The following FNIP1 variants were observed in gnomAD, a reference collection of about 807,000 sequenced individuals.
The protein encoded by FNIP1 is folliculin-interacting protein 1.
Under a neutral mutation model 124.5 loss-of-function variants are expected in FNIP1, and 40 were observed. The ratio of observed to expected loss-of-function variants is 0.32; its 90% CI spans 0.25 to 0.42. FNIP1 has a LOEUF of 0.42. FNIP1 is among the 10% of genes least tolerant of loss of function. The probability of loss-of-function intolerance (pLI) is 1.00; values close to 1 mark genes in which losing one functional copy is unlikely to be tolerated. For synonymous variants in FNIP1, 472 were observed against 470.6 expected (o/e 1.00, Z -0.04); for missense variants, 1,176 against 1,403.7 (o/e 0.84, Z 2.59).
chr5:131,730,945 T>C lies in FNIP1; in HGVS notation c.313A>G (p.Thr105Ala), dbSNP rs1770063980. 3 of 1,612,036 alleles carry C rather than the reference T, an allele frequency of 1.9e-6. No homozygotes were observed. The highest frequency in any genetic ancestry group is 2.5e-6 in the Non-Finnish European group (3 of 1,178,910). Residue 105 changes from threonine (T) to alanine (A), a missense_variant, in exon 3 of 18, where the codon ACT becomes GCT. This residue lies in a region of FNIP1 where 1,109 missense variants were observed against 1,288.5 expected (regional missense o/e 0.86). Transcript: ENST00000510461. ...TGGTCTTTTATATCAGAAGATGAAG[T>C]CACAGAACTATCTAAAGAGGAAGAA... ...DSSSSLDSSV[T>A]SSSDIKDQCL...
At chr5:131,705,372 C>A (rs558005349) in intron 9 of FNIP1, among the ~76,000 whole-genome samples, 1 of 151,826 alleles carries the variant, frequency 6.6e-6, no homozygotes, top group African/African-American at 2.4e-5. Flanking sequence ...ATTTGAGAGG[C>A]TGAGGTGGAA....
chr5:131,772,303 A>G (rs898970198), intron 1 of FNIP1, among the ~76,000 whole-genome samples: 1 of 152,094 alleles, frequency 6.6e-6, no homozygotes, highest in Admixed American at 6.6e-5. Flanking sequence ...AATATTCTAT[A>G]TCTCAACTGT....
At chr5:131,795,892 A>G (rs1050119987) in intron 1 of FNIP1, 1 of 152,154 alleles carries the variant, frequency 6.6e-6, no homozygotes, top group African/African-American at 2.4e-5. Context: ...GGCATTTGAC[A>G]TTTAGCCTAG....
chr5:131,677,659 C>CA, intron 13 of FNIP1, 44 bp downstream of exon 13: 1 of 1,503,978 alleles, frequency 6.6e-7, no homozygotes, highest in African/African-American at 1.4e-5. Context: ...CAGATAGCTA[C>CA]AAAAAAGTCT....
At position 131,672,862 on chromosome 5, in the gene FNIP1, G is replaced by T. The variant is rs373818797; in HGVS notation, c.1582C>A (p.Arg528=). ...RLARTVVVGK[R]QDMVQRLLYF... ...AGTAGCCTCTGGACCATGTCTTGTCGTTTGCCAACTACCACAGTCCTTGCT... is the reference window on the plus strand; with the variant it reads ...AGTAGCCTCTGGACCATGTCTTGTCTTTTGCCAACTACCACAGTCCTTGCT... The change falls in exon 14 of 18, where the codon CGA becomes AGA. Residue 528 remains arginine (R), a synonymous_variant. Transcript: ENST00000510461. 2.5e-6 allele frequency: 4 copies of T among 1,604,994 alleles called. No homozygotes were observed. Among genetic ancestry groups the T allele is most frequent in the Non-Finnish European group, 3.4e-6 (4 of 1,176,184 alleles).
intron 3 of FNIP1, among the ~76,000 whole-genome samples, chr5:131,727,769 G>T (rs747085362): frequency 6.6e-6 from 1 of 152,172 alleles, no homozygotes; most frequent in Admixed American, 6.5e-5. Context: ...TTTCTTCTTA[G>T]TGTCAACAGT....
chr5:131,742,805 C>A (rs55955246), intron 2 of FNIP1, among the ~76,000 whole-genome samples: 5 of 151,976 alleles, frequency 3.3e-5, no homozygotes, highest in Non-Finnish European at 7.4e-5. Context: ...ATATAGAACC[C>A]AGGACAAACA....
intron 1 of FNIP1, among the ~76,000 whole-genome samples, chr5:131,794,153 G>A (rs935890171): frequency 7.5e-5 from 11 of 146,042 alleles, no homozygotes; most frequent in Non-Finnish European, 1.3e-4. Flanking sequence ...GATTACTAGA[G>A]CCCAGGAGGT....
In FNIP1 at chr5:131,678,997, T is replaced by G. The variant is rs769326201; in HGVS notation, c.1349+32A>C. 6.9e-6 allele frequency: 10 copies of G among 1,454,734 alleles called. No individual in the cohort carries two copies. The Admixed American group carries it at 1.6e-4, about 23-fold the overall frequency. 90.1% of individuals were successfully genotyped at this position (1,454,734 alleles called of 1,614,324 possible). ...TCTGTAATTGAGTTTGATTACAATC[T>G]AGATATCTAGTTATAATAAATAAAT... On this transcript the variant is annotated intron_variant, in intron 12 of 17. Coordinates refer to ENST00000510461, the MANE Select transcript of FNIP1 (RefSeq NM_133372.3).
intron 11 of FNIP1, among the ~76,000 whole-genome samples, chr5:131,679,407 T>C (rs1354520334): frequency 6.6e-6 from 1 of 152,188 alleles, no homozygotes; most frequent in Non-Finnish European, 1.5e-5. Context: ...CTGTGTGCCC[T>C]AGAGTAAATT....
intron 11 of FNIP1, among the ~76,000 whole-genome samples, chr5:131,691,219 TG>T (rs1223799677): frequency 2.6e-5 from 4 of 152,234 alleles, no homozygotes; most frequent in African/African-American, 9.6e-5. Context: ...CCCAAATACT[TG>T]GAGATTGAAA....
intron 1 of FNIP1, among the ~76,000 whole-genome samples, chr5:131,762,147 A>C (rs1771251980): frequency 6.6e-6 from 1 of 152,210 alleles, no homozygotes; most frequent in Non-Finnish European, 1.5e-5. Context: ...TCAAACTATG[A>C]AACTGCTAAA....
chr5:131,654,020 G>A (rs1210106478), intron 15 of FNIP1, among the ~76,000 whole-genome samples: 7 of 152,228 alleles, frequency 4.6e-5, no homozygotes, highest in African/African-American at 1.2e-4. Flanking sequence ...GATTACAGGC[G>A]TGAGCCACTG....
chr5:131,796,077 G>GT (rs1772579040), intron 1 of FNIP1: 1 of 152,168 alleles, frequency 6.6e-6, no homozygotes, highest in South Asian at 2.1e-4. Flanking sequence ...AACAAAGCCT[G>GT]TAACACTACA....
chr5:131,739,762 G>C (rs1770447095), intron 2 of FNIP1, among the ~76,000 whole-genome samples: 1 of 142,302 alleles, frequency 7.0e-6, no homozygotes, highest in Non-Finnish European at 1.5e-5. Flanking sequence ...GTAGTGAGCT[G>C]AGATTGCGCC....
chr5:131,678,855 A>G (rs371673927), intron 12 of FNIP1, among the ~76,000 whole-genome samples, 174 bp downstream of exon 12: 1 of 152,222 alleles, frequency 6.6e-6, no homozygotes, highest in Non-Finnish European at 1.5e-5. Flanking sequence ...CTTTTCATTC[A>G]TAAGGTTCTG....
rs1554094500 is a variant in FNIP1 at position 131,693,344 on chromosome 5, A to ATG, written c.1202+5572_1202+5573insCA. ...CATATATATATATACATATATATAT[A>ATG]TATATATATATATATATAGTTACAG... On this transcript the variant is annotated intron_variant, in intron 11 of 17. Transcript: ENST00000510461. Among the ~76,000 whole-genome samples the ATG allele has an allele frequency of 8.4e-5, 11 of 130,550 alleles. No individual in the cohort carries two copies. In the East Asian group the frequency reaches 2.2e-3, roughly 27 times the overall value. 85.6% of individuals were successfully genotyped at this position (130,550 alleles called of 152,430 possible).
intron 6 of FNIP1, among the ~76,000 whole-genome samples, chr5:131,714,973 G>A (rs1030067224): frequency 6.6e-6 from 1 of 152,066 alleles, no homozygotes; most frequent in Non-Finnish European, 1.5e-5. Context: ...TTGATTGACT[G>A]ATTGATTGGA....
chr5:131,787,366 C>A (rs1296983168), intron 1 of FNIP1, among the ~76,000 whole-genome samples: 1 of 152,098 alleles, frequency 6.6e-6, no homozygotes, highest in Non-Finnish European at 1.5e-5. Flanking sequence ...AGTGTGAGAA[C>A]TCGAGTTTGA....
Sources: gnomAD v4.1 joint callset for allele counts (sites outside exome capture counted in the v4.1 genomes callset) on GRCh38, gnomAD v4.1.1 for gene constraint, gnomAD v4.1.1 regional missense constraint, MANE v1.5 for transcripts, NCBI Gene and HGNC (gene_info 2026-07-23, HGNC 2026-07-21) for gene names.